The following ACACB variants were observed in gnomAD, a reference collection of about 807,000 sequenced individuals.
ACACB encodes the protein acetyl-CoA carboxylase beta.
Under a neutral mutation model 278.8 loss-of-function variants are expected in ACACB, and 209 were observed. The observed-to-expected ratio is 0.75, with a 90% confidence interval of 0.67 to 0.84. ACACB has a LOEUF of 0.84. Among genes scored for constraint, ACACB ranks in the 40% least tolerant of loss-of-function variants. ACACB has a pLI of 0.00. For missense variants in ACACB, 2,850 were observed against 3,269.0 expected (o/e 0.87, Z 3.13); for synonymous variants, 1,174 against 1,285.6 (o/e 0.91, Z 1.86).
At chr12:109,212,985 C>G (rs1354779286) in intron 22 of ACACB, 49 bp downstream of exon 22, 1 of 1,520,514 alleles carries the variant, frequency 6.6e-7, no homozygotes, top group East Asian at 2.2e-5. Flanking sequence ...TGAATCGTCG[C>G]ATGCATTGCA....
intron 20 of ACACB, among the ~76,000 whole-genome samples, chr12:109,207,200 TC>T (rs1389237171): frequency 6.6e-5 from 10 of 152,128 alleles, no homozygotes; most frequent in Non-Finnish European, 7.3e-5. Flanking sequence ...AAGTGATCCA[TC>T]CGCCTGGGCC....
intron 2 of ACACB, among the ~76,000 whole-genome samples, chr12:109,148,556 T>C (rs1451855964): frequency 6.6e-6 from 1 of 152,194 alleles, no homozygotes; most frequent in East Asian, 1.9e-4. Flanking sequence ...CTGTCCTGAA[T>C]TGATGTGAGG....
At chr12:109,190,268 A>G (rs2044821974) in intron 13 of ACACB, among the ~76,000 whole-genome samples, 1 of 152,112 alleles carries the variant, frequency 6.6e-6, no homozygotes, top group South Asian at 2.1e-4. Flanking sequence ...TTGTATTTTT[A>G]GTAGAGACGG....
chr12:109,163,422 G>T (rs1014075976), intron 2 of ACACB, among the ~76,000 whole-genome samples: 1 of 152,090 alleles, frequency 6.6e-6, no homozygotes, highest in African/African-American at 2.4e-5. Context: ...AAACAGGCTC[G>T]TAGACATCAA....
intron 28 of ACACB, among the ~76,000 whole-genome samples, chr12:109,228,658 C>CAAA (rs887136316): frequency 4.1e-5 from 3 of 72,572 alleles, no homozygotes; most frequent in African/African-American, 9.5e-5. Context: ...AACTCTGTCT[C>CAAA]AAAAAAAAAA....
At chr12:109,240,979 G>C in intron 35 of ACACB, 99 bp from the exon 36 acceptor site, 1 of 1,198,518 alleles carries the variant, frequency 8.3e-7, no homozygotes, top group East Asian at 2.4e-5. Flanking sequence ...AGGCGTTTTT[G>C]CAGTCAGTAT....
intron 2 of ACACB, among the ~76,000 whole-genome samples, chr12:109,161,605 G>A (rs939354616): frequency 1.3e-5 from 2 of 151,988 alleles, no homozygotes; most frequent in Non-Finnish European, 2.9e-5. Flanking sequence ...TACTTGTATA[G>A]TTATCACAGC....
In ACACB at chr12:109,210,447, G is replaced by T. The variant is rs534007747; in HGVS notation, c.3249+1094G>T. Among the ~76,000 whole-genome samples the T allele has an allele frequency of 9.7e-4, 135 of 138,740 alleles. 2 individuals are homozygous for T. The highest frequency in any genetic ancestry group is 1.8e-3 in the Non-Finnish European group (115 of 63,146). 91.0% of individuals were successfully genotyped at this position (138,740 alleles called of 152,430 possible). ...TATGTATATACACGCACATACATGTGTATATATGTATATATACGCACATAC... is the reference window on the plus strand; with the variant it reads ...TATGTATATACACGCACATACATGTTTATATATGTATATATACGCACATAC... On this transcript the variant is annotated intron_variant, in intron 21 of 52. Transcript: ENST00000338432.
chr12:109,156,979 T>A (rs1236639324), intron 2 of ACACB, among the ~76,000 whole-genome samples: 1 of 152,046 alleles, frequency 6.6e-6, no homozygotes, highest in Admixed American at 6.6e-5. Context: ...GTGGAGAGTG[T>A]TGTACCCATT....
intron 24 of ACACB, among the ~76,000 whole-genome samples, chr12:109,218,395 T>TGTTTGTTTG (rs1555225011): frequency 6.6e-6 from 1 of 151,948 alleles, no homozygotes; most frequent in Middle Eastern, 3.2e-3. Flanking sequence ...TTTGTTTGTT[T>TGTTTGTTTG]GTTTGTTTTG....
intron 11 of ACACB, among the ~76,000 whole-genome samples, chr12:109,180,297 A>C (rs560337933): frequency 6.6e-6 from 1 of 152,336 alleles, no homozygotes; most frequent in Admixed American, 6.5e-5. Context: ...ACCTAGAGAA[A>C]TGTTTCTTAA....
In ACACB at chr12:109,262,619, G is replaced by T. The variant is rs550207700; in HGVS notation, c.6787+150G>T. On this transcript the variant is annotated intron_variant, in intron 49 of 52. Coordinates refer to ENST00000338432, the MANE Select transcript of ACACB (RefSeq NM_001093.4). ...GAGATTTTTAAAGATATTCACATTT[G>T]TCTGTTTGTTTTGTTTTGTTTTTTT... is the stretch of plus-strand genomic sequence containing the variant. The T allele has an allele frequency of 3.4e-5, 20 of 592,404 alleles. No homozygotes were observed. The East Asian group carries it at 5.5e-4, about 16-fold the overall frequency. 36.7% of individuals were successfully genotyped at this position (592,404 alleles called of 1,614,324 possible).
At chr12:109,191,411 G>A (rs1248884181) in intron 13 of ACACB, 13 of 475,942 alleles carry the variant, frequency 2.7e-5, no homozygotes, top group Middle Eastern at 6.4e-4. Context: ...ATGGGGTTTC[G>A]CCATGTTGGC....
chr12:109,201,594 G>GA lies in ACACB; in HGVS notation c.2806_2807insA (p.Val936AspfsTer30). ...GATGAAGATGATCATGACCCTGAAC[G>GA]TTCAGGAAAGAGGCCGGGTGAAGTA... On this transcript the variant is annotated frameshift_variant, in exon 19 of 53. Coordinates refer to ENST00000338432, the MANE Select transcript of ACACB (RefSeq NM_001093.4). LOFTEE classifies it high-confidence loss of function. 6.2e-7 allele frequency: 1 copy of GA among 1,614,140 alleles called. No individual in the cohort carries two copies. The highest frequency in any genetic ancestry group is 8.5e-7 in the Non-Finnish European group (1 of 1,179,994).
chr12:109,151,472 C>A (rs2043374620), intron 2 of ACACB, among the ~76,000 whole-genome samples: 1 of 151,778 alleles, frequency 6.6e-6, no homozygotes, highest in Non-Finnish European at 1.5e-5. Flanking sequence ...TCCCCCCCAC[C>A]CCATATATTG....
intron 2 of ACACB, among the ~76,000 whole-genome samples, chr12:109,140,728 T>G (rs2043102610): frequency 6.6e-6 from 1 of 152,042 alleles, no homozygotes; most frequent in South Asian, 2.1e-4. Context: ...GCCATGAAAC[T>G]GACTTTCTAG....
intron 2 of ACACB, among the ~76,000 whole-genome samples, chr12:109,146,934 C>G (rs1211291372): frequency 1.3e-5 from 2 of 152,130 alleles, no homozygotes; most frequent in African/African-American, 4.8e-5. Flanking sequence ...CTCGGCCTCC[C>G]AAAGTACTGG....
rs1042177606 is a variant in ACACB, at chr12:109,232,402, G to A, written c.4002-267G>A. 9.8e-5 allele frequency among the ~76,000 whole-genome samples: 15 copies of A among 152,292 alleles called. No individual in the cohort carries two copies. The highest frequency in any genetic ancestry group is 3.4e-3 in the Middle Eastern group (1 of 294). ...AAGTTCAGCACTTGGGGCTCCCCTC[G>A]GGACTGTGTTGAGACTGGACTCTCA... On this transcript the variant is annotated intron_variant, in intron 28 of 52. Transcript: ENST00000338432.
chr12:109,196,580 G>A (rs2045137324), intron 16 of ACACB, among the ~76,000 whole-genome samples: 1 of 152,116 alleles, frequency 6.6e-6, no homozygotes, highest in South Asian at 2.1e-4. Flanking sequence ...ACCTCCTAAA[G>A]CCATCACATT....
Sources: allele counts gnomAD v4.1 joint callset (sites outside exome capture counted in the v4.1 genomes callset), GRCh38; gene constraint gnomAD v4.1.1; transcripts MANE v1.5; gene names NCBI Gene and HGNC (gene_info 2026-07-23, HGNC 2026-07-21).